CSNK2A2IP: variants seen among roughly 807,000 people sequenced by gnomAD.
The protein encoded by CSNK2A2IP is casein kinase II subunit alpha'-interacting protein.
At chr3:88,355,069 C>T in the CSNK2A2IP span, among the ~76,000 whole-genome samples, 32 of 151,964 alleles carry the variant, frequency 2.1e-4, no homozygotes, top group Non-Finnish European at 4.0e-4. Context: ...GTGAAACATG[C>T]CAGCAATGCA....
chr3:88,390,651 T>C, the CSNK2A2IP span, among the ~76,000 whole-genome samples: 1 of 152,226 alleles, frequency 6.6e-6, no homozygotes, highest in Non-Finnish European at 1.5e-5. Context: ...TGTAGGTACA[T>C]TAATTCTATT....
chr3:88,432,919 C>G, the CSNK2A2IP span, among the ~76,000 whole-genome samples: 1 of 151,770 alleles, frequency 6.6e-6, no homozygotes, highest in African/African-American at 2.4e-5. Context: ...TTCTGGTTCA[C>G]AGCTCATATA....
the CSNK2A2IP span, among the ~76,000 whole-genome samples, chr3:88,391,553 T>C: frequency 6.6e-6 from 1 of 152,248 alleles, no homozygotes; most frequent in African/African-American, 2.4e-5. Flanking sequence ...TGTTTCATCC[T>C]TTGTTGTTCT....
the CSNK2A2IP span, among the ~76,000 whole-genome samples, chr3:88,390,323 G>C: frequency 6.6e-6 from 1 of 152,112 alleles, no homozygotes; most frequent in African/African-American, 2.4e-5. Flanking sequence ...TTAAACATCA[G>C]GTCATGAGAT....
the CSNK2A2IP span, among the ~76,000 whole-genome samples, chr3:88,353,526 C>A: frequency 3.9e-5 from 6 of 152,144 alleles, no homozygotes; most frequent in African/African-American, 1.4e-4. Context: ...TCTGAGCAAC[C>A]GCAATAAACA....
the CSNK2A2IP span, among the ~76,000 whole-genome samples, chr3:88,352,973 A>G: frequency 2.6e-5 from 4 of 152,196 alleles, no homozygotes; most frequent in Non-Finnish European, 4.4e-5. Flanking sequence ...CCAGCTTAGT[A>G]AACTCAGACT....
At chr3:88,375,252 T>A in the CSNK2A2IP span, among the ~76,000 whole-genome samples, 1 of 151,716 alleles carries the variant, frequency 6.6e-6, no homozygotes, top group Non-Finnish European at 1.5e-5. Flanking sequence ...AGTTTTACCA[T>A]CCTTTTTTGA....
chr3:88,437,347 T>A, the CSNK2A2IP span, among the ~76,000 whole-genome samples: 1 of 152,316 alleles, frequency 6.6e-6, no homozygotes, highest in Admixed American at 6.5e-5. Flanking sequence ...CAAATTCAAA[T>A]CCCATTAATG....
At chr3:88,418,309 G>A in the CSNK2A2IP span, among the ~76,000 whole-genome samples, 1 of 152,050 alleles carries the variant, frequency 6.6e-6, no homozygotes, top group Admixed American at 6.5e-5. Context: ...TCGTGGTGCA[G>A]TGAACATATT....
chr3:88,450,173 AT>A, the CSNK2A2IP span, among the ~76,000 whole-genome samples: 1 of 151,860 alleles, frequency 6.6e-6, no homozygotes, highest in Non-Finnish European at 1.5e-5. Context: ...CCAGCCTAAT[AT>A]TTTTTATATA....
the CSNK2A2IP span, among the ~76,000 whole-genome samples, chr3:88,449,874 T>TATATATATAGAGAGAGAGAG: frequency 1.4e-5 from 1 of 70,040 alleles, no homozygotes; most frequent in African/African-American, 4.7e-5. Flanking sequence ...TATATATATA[T>TATATATATAGAGAGAGAGAG]AGAGAGAGAG....
At chr3:88,404,155 G>A in the CSNK2A2IP span, among the ~76,000 whole-genome samples, 8 of 152,046 alleles carry the variant, frequency 5.3e-5, no homozygotes, top group African/African-American at 1.9e-4. Flanking sequence ...CACACCATGT[G>A]TAACAGATAG....
At chr3:88,423,580 G>A in the CSNK2A2IP span, among the ~76,000 whole-genome samples, 2 of 152,134 alleles carry the variant, frequency 1.3e-5, no homozygotes, top group Non-Finnish European at 2.9e-5. Flanking sequence ...TTTCATAGAT[G>A]AGGAATTTGA....
chr3:88,434,636 T>C, the CSNK2A2IP span, among the ~76,000 whole-genome samples: 1 of 152,190 alleles, frequency 6.6e-6, no homozygotes, highest in African/African-American at 2.4e-5. Context: ...TCAGGGTTGC[T>C]ATGAAAACCA....
At chr3:88,351,262 T>A in the CSNK2A2IP span, among the ~76,000 whole-genome samples, 1 of 152,108 alleles carries the variant, frequency 6.6e-6, no homozygotes, top group Non-Finnish European at 1.5e-5. Flanking sequence ...TATTAAAAAG[T>A]ATAGACTAGA....
chr3:88,457,695 C>T, the CSNK2A2IP span, among the ~76,000 whole-genome samples: 1 of 110,300 alleles, frequency 9.1e-6, no homozygotes. Context: ...GACTCAGTCT[C>T]AAAATAAAAT....
At chr3:88,362,536 G>A in the CSNK2A2IP span, among the ~76,000 whole-genome samples, 194 of 152,330 alleles carry the variant, frequency 1.3e-3, 2 homozygotes, top group African/African-American at 4.3e-3. Context: ...AGCCACCACA[G>A]CTGACTCCAC....
At chr3:88,451,667 T>C in the CSNK2A2IP span, among the ~76,000 whole-genome samples, 1 of 151,358 alleles carries the variant, frequency 6.6e-6, no homozygotes, top group East Asian at 1.9e-4. Flanking sequence ...CTCTCCTCCT[T>C]CTCTTCTTCC....
the CSNK2A2IP span, among the ~76,000 whole-genome samples, chr3:88,360,088 C>A: frequency 2.0e-5 from 3 of 151,542 alleles, no homozygotes; most frequent in African/African-American, 7.3e-5. Context: ...TTTGGATTGA[C>A]CCCTTTGCAA....
Sources: allele counts gnomAD v4.1 joint callset (sites outside exome capture counted in the v4.1 genomes callset), GRCh38; gene constraint gnomAD v4.1.1; transcripts MANE v1.5; gene names NCBI Gene and HGNC (gene_info 2026-07-23, HGNC 2026-07-21).